The following AGPAT3 variants were observed in gnomAD, a reference collection of about 807,000 sequenced individuals.
The protein encoded by AGPAT3 is 1-acylglycerol-3-phosphate O-acyltransferase 3.
Under a neutral mutation model 47.3 loss-of-function variants are expected in AGPAT3, and 5 were observed. That is an observed-to-expected ratio of 0.11 (90% CI 0.06 to 0.22). The LOEUF is 0.22. Among genes scored for constraint, AGPAT3 ranks in the 10% least tolerant of loss-of-function variants. AGPAT3 has a pLI of 1.00. For missense variants in AGPAT3, 315 were observed against 493.0 expected, an observed-to-expected ratio of 0.64 and a Z score of 3.42; for synonymous variants, 212 against 208.3, an observed-to-expected ratio of 1.02 and a Z score of -0.15.
chr21:43,962,399 T>C (rs538707119), intron 3 of AGPAT3, among the ~76,000 whole-genome samples: 41 of 152,320 alleles, frequency 2.7e-4, no homozygotes, highest in African/African-American at 9.9e-4. Context: ...GAGTTATTCA[T>C]GAGTATAACT....
In AGPAT3 at chr21:43,932,034, C is replaced by G. The variant is rs2087265459; in HGVS notation, c.-48-27600C>G. 6.6e-6 allele frequency among the ~76,000 whole-genome samples: 1 copy of G among 151,396 alleles called. No homozygotes were observed. Among genetic ancestry groups the G allele is most frequent in the Non-Finnish European group, 1.5e-5 (1 of 67,944 alleles). On this transcript the variant is annotated intron_variant, in intron 2 of 9. Transcript: ENST00000291572. This position sits in a 1 kb window ranked among gnomAD's most constrained non-coding sequence, Gnocchi z 5.2. The stretch of plus-strand genomic sequence containing the variant: ...AAATATGATTGTGTATATGGAGTAC[C>G]ATGTGATCTATGTGTACATTGTAGA...
chr21:43,964,981 T>G (rs2089054482), intron 3 of AGPAT3: 1 of 159,174 alleles, frequency 6.3e-6, no homozygotes, highest in South Asian at 2.0e-4. Flanking sequence ...CAGGCTGGAG[T>G]GCAGTGGTGT....
chr21:43,913,132 C>T (rs551599723), intron 2 of AGPAT3, among the ~76,000 whole-genome samples: 4 of 152,212 alleles, frequency 2.6e-5, no homozygotes, highest in African/African-American at 9.6e-5. Context: ...TAGTCAATTT[C>T]CTCATAGCAA....
rs2086909854 is a variant in AGPAT3 at position 43,922,091 on chromosome 21, T to G, written c.-49+18072T>G. ...TTCCTTATTTGGGGGAGATTTTTTA[T>G]AATGGAAAAGGTTTCCTTTTTTGGA... On this transcript the variant is annotated intron_variant, in intron 2 of 9. Coordinates refer to ENST00000291572, the MANE Select transcript of AGPAT3 (RefSeq NM_020132.5). This position sits in a 1 kb window ranked among gnomAD's most constrained non-coding sequence, Gnocchi z 4.9. Among the ~76,000 whole-genome samples the G allele has an allele frequency of 6.6e-6, 1 of 152,202 alleles. No individual in the cohort carries two copies. Among genetic ancestry groups the G allele is most frequent in the Admixed American group, 6.5e-5 (1 of 15,284 alleles).
At chr21:43,898,251 A>G (rs2086274515) in intron 1 of AGPAT3, among the ~76,000 whole-genome samples, 1 of 152,150 alleles carries the variant, frequency 6.6e-6, no homozygotes, top group Admixed American at 6.5e-5. Context: ...GAAATATACC[A>G]TCTTATATTT....
intron 1 of AGPAT3, among the ~76,000 whole-genome samples, chr21:43,866,140 C>G (rs1237675226): frequency 9.0e-6 from 1 of 111,654 alleles, no homozygotes; most frequent in Non-Finnish European, 1.9e-5. Context: ...TTTTTTTTAA[C>G]TTTGAGAGAA....
intron 8 of AGPAT3, among the ~76,000 whole-genome samples, chr21:43,978,923 T>C (rs1178849664): frequency 1.3e-5 from 2 of 152,202 alleles, no homozygotes; most frequent in African/African-American, 4.8e-5. Flanking sequence ...ACTGTCGGCC[T>C]TGTGGGAGAG....
intron 1 of AGPAT3, among the ~76,000 whole-genome samples, chr21:43,901,953 GA>G (rs1320394212): frequency 6.6e-6 from 1 of 152,170 alleles, no homozygotes; most frequent in African/African-American, 2.4e-5. Flanking sequence ...ACCATATCGA[GA>G]GTAACATATG....
At chr21:43,897,969 A>C (rs912888010) in intron 1 of AGPAT3, among the ~76,000 whole-genome samples, 1 of 152,196 alleles carries the variant, frequency 6.6e-6, no homozygotes, top group Non-Finnish European at 1.5e-5. Flanking sequence ...CGTCTCCACC[A>C]AAAATACAAA....
intron 7 of AGPAT3, among the ~76,000 whole-genome samples, chr21:43,974,374 ATG>A (rs766377200): frequency 1.7e-4 from 25 of 149,294 alleles, no homozygotes; most frequent in African/African-American, 4.4e-4. Context: ...GGTGTGTGTG[ATG>A]TGTGTGTGGT....
intron 2 of AGPAT3, among the ~76,000 whole-genome samples, chr21:43,905,423 C>T (rs999064635): frequency 6.6e-6 from 1 of 152,024 alleles, no homozygotes; most frequent in Admixed American, 6.6e-5. Flanking sequence ...TGCTTGACCT[C>T]GTGATCCACC....
At position 43,959,650 on chromosome 21, in the gene AGPAT3, G is replaced by A. The variant is rs781184437; in HGVS notation, c.-32G>A. ...TCTTTGCAGGACGGCTGTCCTCAGC[G>A]AGGGGCCGTGCACCCGCTCCTGAGC... On this transcript the variant is annotated 5_prime_UTR_variant, in exon 3 of 10. Coordinates refer to ENST00000291572, the MANE Select transcript of AGPAT3 (RefSeq NM_020132.5). 15 of 1,608,690 alleles carry A rather than the reference G, an allele frequency of 9.3e-6. No homozygotes were observed. In the African/African-American group the frequency reaches 9.3e-5, roughly 10 times the overall value.
At chr21:43,871,687 C>T (rs1446862937) in intron 1 of AGPAT3, among the ~76,000 whole-genome samples, 1 of 152,184 alleles carries the variant, frequency 6.6e-6, no homozygotes, top group African/African-American at 2.4e-5. Flanking sequence ...GTGTGTCCTT[C>T]CCTGTGAAGT....
intron 1 of AGPAT3, among the ~76,000 whole-genome samples, chr21:43,878,659 CTG>C (rs1434371950): frequency 6.6e-6 from 1 of 151,980 alleles, no homozygotes; most frequent in African/African-American, 2.4e-5. Context: ...AAGATCACGT[CTG>C]TTTCTACTCA....
At position 43,871,063 on chromosome 21, in the gene AGPAT3, A is replaced by G. The variant is rs562143872; in HGVS notation, c.-112+5718A>G. ...TATGCAATGTATTTATTTTTAACAA[A>G]CTGCACACGCCAAATTACAAATGTT... is the stretch of plus-strand genomic sequence containing the variant. On this transcript the variant is annotated intron_variant, in intron 1 of 9. Transcript: ENST00000291572. 3.9e-5 allele frequency among the ~76,000 whole-genome samples: 6 copies of G among 152,312 alleles called. No homozygotes were observed. The South Asian group carries it at 1.2e-3, about 32-fold the overall frequency.
At chr21:43,911,212 T>C (rs2086625432) in intron 2 of AGPAT3, among the ~76,000 whole-genome samples, 1 of 152,252 alleles carries the variant, frequency 6.6e-6, no homozygotes, top group Non-Finnish European at 1.5e-5. Flanking sequence ...AAAGAAACAC[T>C]TCCTCTTTTA....
At chr21:43,924,261 G>A (rs907961451) in intron 2 of AGPAT3, among the ~76,000 whole-genome samples, 5 of 150,970 alleles carry the variant, frequency 3.3e-5, no homozygotes, top group African/African-American at 7.3e-5. Flanking sequence ...TCCTGACCTC[G>A]TGACCCGCCC....
In AGPAT3 at chr21:43,923,883, T is replaced by C. The variant is rs1301529516; in HGVS notation, c.-49+19864T>C. Among the ~76,000 whole-genome samples, 3 of 152,180 alleles carry C rather than the reference T, an allele frequency of 2.0e-5. No homozygotes were observed. In the East Asian group the frequency reaches 5.8e-4, roughly 29 times the overall value. ...TTGAGGGAGCCTGGTCTCCAGCCCC[T>C]GTCCTTCCTGGAGGACGGCAGGGGG... On this transcript the variant is annotated intron_variant, in intron 2 of 9. Coordinates refer to ENST00000291572, the MANE Select transcript of AGPAT3 (RefSeq NM_020132.5).
intron 2 of AGPAT3, among the ~76,000 whole-genome samples, chr21:43,958,005 T>A (rs1446153885): frequency 6.6e-6 from 1 of 152,232 alleles, no homozygotes; most frequent in Admixed American, 6.5e-5. Context: ...TCTTTCACGC[T>A]TCAAATACGC....
Sources: allele counts gnomAD v4.1 joint callset (sites outside exome capture counted in the v4.1 genomes callset), GRCh38; gene constraint gnomAD v4.1.1; non-coding constraint Gnocchi (gnomAD v3.1); transcripts MANE v1.5; gene names NCBI Gene and HGNC (gene_info 2026-07-23, HGNC 2026-07-21).